GRIK1: variants seen among roughly 807,000 people sequenced by gnomAD.
The protein encoded by GRIK1 is glutamate receptor ionotropic, kainate 1.
A neutral mutation model predicts 105.7 loss-of-function variants in GRIK1; 69 were observed. The observed-to-expected ratio is 0.65, with a 90% CI of 0.54 to 0.80. The LOEUF (loss-of-function observed/expected upper bound fraction) is 0.80. GRIK1 is among the 30% of genes least tolerant of loss of function. GRIK1 has a pLI of 0.00. For synonymous variants in GRIK1, 438 were observed against 431.3 expected, an observed-to-expected ratio of 1.02 and a Z score of -0.19; for missense variants, 1,109 against 1,167.3, an observed-to-expected ratio of 0.95 and a Z score of 0.73.
At chr21:29,605,537 G>C (rs760512408) in intron 7 of GRIK1, among the ~76,000 whole-genome samples, 4 of 152,126 alleles carry the variant, frequency 2.6e-5, no homozygotes, top group African/African-American at 4.8e-5. Context: ...AAGTGTGCAT[G>C]TATCTTTATA....
At chr21:29,595,533 A>G (rs763036514) in intron 9 of GRIK1, among the ~76,000 whole-genome samples, 1 of 152,136 alleles carries the variant, frequency 6.6e-6, no homozygotes, top group African/African-American at 2.4e-5. Flanking sequence ...ACTGAGTACT[A>G]CTAAGAGGGG....
chr21:29,598,717 A>G (rs1019053495), intron 8 of GRIK1, 113 bp downstream of exon 8: 3 of 536,240 alleles, frequency 5.6e-6, no homozygotes, highest in Non-Finnish European at 9.9e-6. Flanking sequence ...TGGATGTAAA[A>G]GAACATGCTT....
intron 1 of GRIK1, among the ~76,000 whole-genome samples, chr21:29,830,459 CTTTA>C (rs2067601153): frequency 6.6e-6 from 1 of 152,008 alleles, no homozygotes; most frequent in Non-Finnish European, 1.5e-5. Context: ...CCACTTCTTC[CTTTA>C]ATTTCTGTTC....
chr21:29,825,416 A>G (rs2067424115), intron 1 of GRIK1, among the ~76,000 whole-genome samples: 1 of 152,116 alleles, frequency 6.6e-6, no homozygotes, highest in Admixed American at 6.6e-5. Flanking sequence ...TTAACAAGAA[A>G]CAAACTCATC....
chr21:29,552,182 T>C (rs2090146046), intron 16 of GRIK1, among the ~76,000 whole-genome samples: 1 of 152,086 alleles, frequency 6.6e-6, no homozygotes, highest in South Asian at 2.1e-4. Context: ...TGCTGTATGA[T>C]TGCACAGATG....
chr21:29,888,232 T>C (rs144482462), intron 1 of GRIK1, among the ~76,000 whole-genome samples: 1 of 93,422 alleles, frequency 1.1e-5, no homozygotes, highest in African/African-American at 3.5e-5. Context: ...TCTCTCTCTC[T>C]CCTTCCTTCC....
At chr21:29,791,146 A>C (rs1298383332) in intron 1 of GRIK1, among the ~76,000 whole-genome samples, 1 of 152,144 alleles carries the variant, frequency 6.6e-6, no homozygotes, top group East Asian at 1.9e-4. Flanking sequence ...GTATGGTGTG[A>C]GCTCTGGTCA....
intron 1 of GRIK1, among the ~76,000 whole-genome samples, chr21:29,821,418 C>T (rs912606203): frequency 6.6e-6 from 1 of 151,964 alleles, no homozygotes; most frequent in Non-Finnish European, 1.5e-5. Context: ...GGAGCACTTC[C>T]AGCATCACCA....
At position 29,921,505 on chromosome 21, in the gene GRIK1, CA is replaced by C. The variant is rs570207364; in HGVS notation, c.118+17877del. ...AGTTTTCATAAATCAAATAAACAAA[CA>C]AAAAAATACACCAGACTTATAACAT... is the stretch of plus-strand genomic sequence containing the variant. On this transcript the variant is annotated intron_variant, in intron 1 of 17. Coordinates refer to ENST00000327783, the MANE Select transcript of GRIK1 (RefSeq NM_001330994.2). 6.8e-4 allele frequency among the ~76,000 whole-genome samples: 103 copies of C among 151,944 alleles called. 1 individual carries two copies. The highest frequency in any genetic ancestry group is 1.0e-3 in the Non-Finnish European group (68 of 67,940).
intron 7 of GRIK1, among the ~76,000 whole-genome samples, chr21:29,620,595 G>T (rs2061961983): frequency 6.6e-6 from 1 of 151,184 alleles, no homozygotes; most frequent in Non-Finnish European, 1.5e-5. Flanking sequence ...CTTTTCTGAA[G>T]TTAAATCTCA....
At position 29,929,009 on chromosome 21, in the gene GRIK1, A is replaced by G. The variant is rs193062124; in HGVS notation, c.118+10374T>C. Among the ~76,000 whole-genome samples, 161 of 152,360 alleles carry G rather than the reference A, an allele frequency of 1.1e-3. 1 individual carries two copies. Among genetic ancestry groups the G allele is most frequent in the African/African-American group, 3.7e-3 (152 of 41,590 alleles). ...TACAGGGAAACAAACAAAGTTCCAC[A>G]CACTGGATGCTGTGGCTATAAATGT... On this transcript the variant is annotated intron_variant, in intron 1 of 17. Transcript: ENST00000327783.
chr21:29,813,224 T>C (rs1322938613), intron 1 of GRIK1, among the ~76,000 whole-genome samples: 2 of 152,194 alleles, frequency 1.3e-5, no homozygotes, highest in Non-Finnish European at 2.9e-5. Context: ...TGAAGCATTG[T>C]AAATATTGAC....
intron 1 of GRIK1, among the ~76,000 whole-genome samples, chr21:29,918,113 T>C (rs1390108656): frequency 6.6e-6 from 1 of 152,026 alleles, no homozygotes; most frequent in East Asian, 1.9e-4. Flanking sequence ...GTTATATAAT[T>C]TATTCTCACT....
chr21:29,681,360 T>G (rs1272590177), intron 3 of GRIK1, among the ~76,000 whole-genome samples: 1 of 152,152 alleles, frequency 6.6e-6, no homozygotes, highest in Non-Finnish European at 1.5e-5. Context: ...TTGCATGACC[T>G]ACAAGGCCCT....
In GRIK1 at chr21:29,726,161, A is replaced by T. The variant is rs1464109966; in HGVS notation, c.119-32098T>A. On this transcript the variant is annotated intron_variant, in intron 1 of 17. Coordinates refer to ENST00000327783, the MANE Select transcript of GRIK1 (RefSeq NM_001330994.2). The stretch of plus-strand genomic sequence containing the variant: ...ACCAATGCAATTAGGACTGAATGAG[A>T]TTTATCAGTCTTTATGTGAGCAGAA... 2.6e-5 allele frequency among the ~76,000 whole-genome samples: 4 copies of T among 152,314 alleles called. No individual in the cohort carries two copies. In the East Asian group the frequency reaches 7.7e-4, roughly 29 times the overall value.
chr21:29,883,471 A>G (rs1454923660), intron 1 of GRIK1, among the ~76,000 whole-genome samples: 1 of 152,098 alleles, frequency 6.6e-6, no homozygotes, highest in African/African-American at 2.4e-5. Flanking sequence ...ACTAACAAGC[A>G]GAGAGTTCTT....
chr21:29,588,845 T>C lies in GRIK1; in HGVS notation c.1563A>G (p.Ile521Met). 6.5e-7 allele frequency: 1 copy of C among 1,542,818 alleles called. No individual in the cohort carries two copies. Among genetic ancestry groups the C allele is most frequent in the Non-Finnish European group, 9.0e-7 (1 of 1,115,346 alleles). Residue 521 changes from isoleucine to methionine, a missense_variant, in exon 11 of 18, where the codon ATA (isoleucine) becomes ATG (methionine). Coordinates refer to ENST00000327783, the MANE Select transcript of GRIK1 (RefSeq NM_001330994.2). ...TAGAAATATTGTTACTTACGTGATC[T>C]ATGAGTTCTTTAACCATCCCGTTCC... ...GEWNGMVKEL[I>M]DHRADLAVAP...
At chr21:29,655,323 G>A (rs1404596488) in intron 4 of GRIK1, among the ~76,000 whole-genome samples, 1 of 151,974 alleles carries the variant, frequency 6.6e-6, no homozygotes, top group Non-Finnish European at 1.5e-5. Flanking sequence ...CGGGAGAATC[G>A]CTTGAACCTG....
chr21:29,651,209 G>A lies in GRIK1; in HGVS notation c.863C>T (p.Pro288Leu), dbSNP rs759174013. 3.1e-6 allele frequency: 5 copies of A among 1,613,316 alleles called. No homozygotes were observed. Among genetic ancestry groups the A allele is most frequent in the Non-Finnish European group, 4.2e-6 (5 of 1,179,260 alleles). The change falls in exon 6 of 18, where the codon CCT becomes CTT. Residue 288 changes from proline (P) to leucine (L), a missense_variant. Physicochemically the swap from Pro to Leu is moderately conservative, Grantham distance 98. Transcript: ENST00000327783. Reference sequence around the variant, plus strand: ...CTTCTCAATGATGGATGACACGTGAGGGTTGTCAATGTTAAGCAGCCGAAA... The same window carrying A: ...CTTCTCAATGATGGATGACACGTGAAGGTTGTCAATGTTAAGCAGCCGAAA... ...TGFRLLNIDN[P>L]HVSSIIEKWS...
Sources: allele counts gnomAD v4.1 joint callset (sites outside exome capture counted in the v4.1 genomes callset), GRCh38; gene constraint gnomAD v4.1.1; transcripts MANE v1.5; gene names NCBI Gene and HGNC (gene_info 2026-07-23, HGNC 2026-07-21).